The following XKR7 variants were observed in gnomAD, a reference collection of about 807,000 sequenced individuals.
XKR7 encodes XK-related protein 7.
In XKR7, 11 loss-of-function variants were observed where a neutral mutation model predicts 42.2. That is an observed-to-expected ratio of 0.26 (90% CI 0.16 to 0.43). XKR7 has a LOEUF of 0.43. XKR7 is among the 20% of genes least tolerant of loss of function. XKR7 has a pLI of 1.00. For missense variants in XKR7, 710 were observed against 802.2 expected (o/e 0.89, Z 1.39); for synonymous variants, 346 against 366.4 (o/e 0.94, Z 0.64).
At chr20:31,969,818 G>A (rs1461252141) in intron 1 of XKR7, among the ~76,000 whole-genome samples, 2 of 152,246 alleles carry the variant, frequency 1.3e-5, no homozygotes, top group Non-Finnish European at 2.9e-5. Flanking sequence ...CATTTTAAGA[G>A]TGTGGGGAAA....
intron 1 of XKR7, among the ~76,000 whole-genome samples, chr20:31,972,980 C>G (rs771976573): frequency 6.6e-6 from 1 of 152,170 alleles, no homozygotes; most frequent in Non-Finnish European, 1.5e-5. Context: ...CAGTTTAAAT[C>G]CAGACTTTAC....
chr20:31,978,169 G>A (rs1476836578), intron 1 of XKR7, among the ~76,000 whole-genome samples: 5 of 152,036 alleles, frequency 3.3e-5, no homozygotes, highest in Admixed American at 6.6e-5. Flanking sequence ...GCAGTGGCAC[G>A]ATCTCAGTTC....
At chr20:31,982,564 C>A (rs374755158) in intron 1 of XKR7, among the ~76,000 whole-genome samples, 6 of 149,850 alleles carry the variant, frequency 4.0e-5, no homozygotes, top group African/African-American at 1.5e-4. Flanking sequence ...GTCAAATGAA[C>A]CTTCCCTTTT....
At chr20:31,991,163 T>C (rs1327739342) in intron 1 of XKR7, among the ~76,000 whole-genome samples, 2 of 152,146 alleles carry the variant, frequency 1.3e-5, no homozygotes, top group Non-Finnish European at 2.9e-5. Context: ...GGCCAGGGCC[T>C]CTCTCATGCT....
Position 31,996,489 on chromosome 20 carries a change from T to A in XKR7, c.788-16T>A. 8.5e-5 allele frequency: 5 copies of A among 59,062 alleles called. No individual in the cohort carries two copies. The highest frequency in any genetic ancestry group is 1.4e-4 in the Non-Finnish European group (5 of 36,444). 3.7% of individuals were successfully genotyped at this position (59,062 alleles called of 1,614,324 possible). On this transcript the variant is annotated splice_polypyrimidine_tract_variant and intron_variant, in intron 2 of 2. Transcript: ENST00000562532. ...CCCCTAACCCAGCCCACCCCGCCCCTGCCCTGTCTCCACAGCCCTCTCCAC... is the reference window on the plus strand; with the variant it reads ...CCCCTAACCCAGCCCACCCCGCCCCAGCCCTGTCTCCACAGCCCTCTCCAC...
rs2064594948 is a variant in XKR7, at chr20:31,996,860, C to G, written c.1143C>G (p.Arg381=). The change falls in exon 3 of 3, where the codon CGC becomes CGG. Residue 381 remains arginine, a synonymous_variant. Transcript: ENST00000562532. Reference sequence around the variant, plus strand: ...TCAACGTCAAGGAGGGCCGCAGCCGCCGCCGCATGACCCTCTACCACTGCA... The same window carrying G: ...TCAACGTCAAGGAGGGCCGCAGCCGGCGCCGCATGACCCTCTACCACTGCA... ...CWFNVKEGRS[R]RRMTLYHCIV... 1 of 1,613,684 alleles carries G rather than the reference C, an allele frequency of 6.2e-7. No homozygotes were observed. The highest frequency in any genetic ancestry group is 1.3e-5 in the African/African-American group (1 of 74,916).
At chr20:31,980,451 A>G (rs1354797247) in intron 1 of XKR7, among the ~76,000 whole-genome samples, 1 of 152,202 alleles carries the variant, frequency 6.6e-6, no homozygotes, top group African/African-American at 2.4e-5. Flanking sequence ...TGTTTCCTAG[A>G]GAACCCATAG....
chr20:31,968,725 C>T lies in XKR7; in HGVS notation c.550C>T (p.Leu184Phe), dbSNP rs777147320. 1.2e-5 allele frequency: 19 copies of T among 1,551,788 alleles called. 1 individual carries two copies. Among genetic ancestry groups the T allele is most frequent in the Non-Finnish European group, 2.6e-6 (3 of 1,157,124 alleles). Residue 184 changes from leucine to phenylalanine, a missense_variant, in exon 1 of 3, where the codon CTC (leucine) becomes TTC (phenylalanine). This residue lies in a region of XKR7 where 708 missense variants were observed against 786.2 expected (regional missense o/e 0.90). Transcript: ENST00000562532. This position sits in a 1 kb window ranked among gnomAD's most constrained non-coding sequence, Gnocchi z 4.5. ...CRLCIWLLQTLVHLLQLGQVW... is the reference protein window; with the variant it reads ...CRLCIWLLQTFVHLLQLGQVW... ...CCTCTGCATCTGGCTGCTGCAGACC[C>T]TCGTCCACCTCCTGCAGCTCGGCCA...
chr20:31,985,028 C>G (rs1179047635), intron 1 of XKR7, among the ~76,000 whole-genome samples: 1 of 152,208 alleles, frequency 6.6e-6, no homozygotes, highest in Non-Finnish European at 1.5e-5. Context: ...CTCAGCACAG[C>G]CTGTCATCCA....
rs751575332 is a variant in XKR7, at chr20:31,996,957, T to C, written c.1240T>C (p.Ser414Pro). Reference protein sequence around the residue: ...SSRNFSTDFYSLIMVCVVASS... With the variant: ...SSRNFSTDFYPLIMVCVVASS... ...CCGCAACTTCTCAACCGACTTCTAC[T>C]CGCTCATCATGGTCTGCGTAGTGGC... Residue 414 changes from serine to proline, a missense_variant, in exon 3 of 3, where the codon TCG becomes CCG. Physicochemically the swap from Ser to Pro is moderately conservative, Grantham distance 74. Transcript: ENST00000562532. 6.2e-7 allele frequency: 1 copy of C among 1,614,130 alleles called. No individual in the cohort carries two copies. Among genetic ancestry groups the C allele is most frequent in the Non-Finnish European group, 8.5e-7 (1 of 1,180,034 alleles).
chr20:31,992,162 T>C (rs1460452579), intron 1 of XKR7, among the ~76,000 whole-genome samples: 12 of 152,046 alleles, frequency 7.9e-5, no homozygotes, highest in Admixed American at 7.9e-4. Context: ...ACAAAAAAAC[T>C]GAGATCAAAT....
chr20:31,972,484 C>T (rs1250796661), intron 1 of XKR7, among the ~76,000 whole-genome samples: 5 of 152,188 alleles, frequency 3.3e-5, no homozygotes, highest in Non-Finnish European at 7.3e-5. Flanking sequence ...GCAACTTCAT[C>T]CCTCCCTTCC....
At chr20:31,980,376 C>T (rs936958124) in intron 1 of XKR7, among the ~76,000 whole-genome samples, 1 of 152,188 alleles carries the variant, frequency 6.6e-6, no homozygotes, top group Non-Finnish European at 1.5e-5. Context: ...GGCCATCCCC[C>T]CAACCCCCCG....
rs1417555696 is a variant in XKR7 at position 31,995,030 on chromosome 20, C to A, written c.585-38C>A. 6 of 1,538,914 alleles carry A rather than the reference C, an allele frequency of 3.9e-6. No homozygotes were observed. The East Asian group carries it at 7.4e-5, about 19-fold the overall frequency. On this transcript the variant is annotated intron_variant, in intron 1 of 2. Coordinates refer to ENST00000562532, the MANE Select transcript of XKR7 (RefSeq NM_001011718.2). The surrounding 1 kb of genome is among the most constrained non-coding windows in gnomAD (Gnocchi z 4.1). ...GCTGGTGCGACAGAGCGAGAGGAAC[C>A]AGCGCGCGGGAGCCTGAGCACCGCG...
chr20:31,997,529 T>G lies in XKR7; in HGVS notation c.*72T>G. 1 of 1,394,464 alleles carries G rather than the reference T, an allele frequency of 7.2e-7. No homozygotes were observed. The highest frequency in any genetic ancestry group is 2.2e-5 in the Admixed American group (1 of 45,676). The allele number at this position is 1,394,464 out of a possible 1,614,324, so 86.4% of individuals were successfully genotyped here. ...TCCGCCGCAGTGTTGTGCCCCGAAT[T>G]TCAGGGCCACCAGGCTAAGGGGGAG... On this transcript the variant is annotated 3_prime_UTR_variant, in exon 3 of 3. Transcript: ENST00000562532.
intron 1 of XKR7, among the ~76,000 whole-genome samples, chr20:31,993,150 T>A (rs550442249): frequency 6.6e-6 from 1 of 151,488 alleles, no homozygotes; most frequent in Admixed American, 6.6e-5. Flanking sequence ...CCCAGTTTCC[T>A]GGGAAAGCCA....
chr20:31,971,354 A>G (rs183408207), intron 1 of XKR7, among the ~76,000 whole-genome samples: 1 of 152,318 alleles, frequency 6.6e-6, no homozygotes, highest in Admixed American at 6.5e-5. Flanking sequence ...CAATGTGATG[A>G]CCTTAAGAGT....
intron 1 of XKR7, among the ~76,000 whole-genome samples, chr20:31,991,262 G>T (rs1317988272): frequency 6.6e-6 from 1 of 152,108 alleles, no homozygotes; most frequent in East Asian, 1.9e-4. Flanking sequence ...CCTTCACATT[G>T]GACCAGCTGG....
chr20:31,997,520 G>A lies in XKR7; in HGVS notation c.*63G>A, dbSNP rs2064601250. ...GATCCCACATCCGCCGCAGTGTTGT[G>A]CCCCGAATTTCAGGGCCACCAGGCT... On this transcript the variant is annotated 3_prime_UTR_variant, in exon 3 of 3. Transcript: ENST00000562532. The A allele has an allele frequency of 6.8e-7, 1 of 1,464,290 alleles. No homozygotes were observed. Among genetic ancestry groups the A allele is most frequent in the African/African-American group, 1.4e-5 (1 of 71,634 alleles). The allele number at this position is 1,464,290 out of a possible 1,614,324, so 90.7% of individuals were successfully genotyped here. A position where few individuals can be genotyped will look rare whatever the true frequency, so the allele number is the denominator to read the frequency against.
Sources: allele counts gnomAD v4.1 joint callset (sites outside exome capture counted in the v4.1 genomes callset), GRCh38; gene constraint gnomAD v4.1.1; regional missense constraint gnomAD v4.1.1; non-coding constraint Gnocchi (gnomAD v3.1); transcripts MANE v1.5; gene names NCBI Gene and HGNC (gene_info 2026-07-23, HGNC 2026-07-21).